The following C1S variants were observed in gnomAD, a reference collection of about 807,000 sequenced individuals.
The protein encoded by C1S is complement C1s, also known as complement C1s subcomponent.
In C1S, 31 loss-of-function variants were observed where a neutral mutation model predicts 54.0. The ratio of observed to expected loss-of-function variants is 0.57; its 90% CI spans 0.43 to 0.78. C1S has a LOEUF of 0.78. C1S is among the 30% of genes least tolerant of loss of function. C1S has a pLI of 0.00. For missense variants in C1S, 727 were observed against 851.8 expected, an observed-to-expected ratio of 0.85 and a Z score of 1.82; for synonymous variants, 292 against 303.6, an observed-to-expected ratio of 0.96 and a Z score of 0.40.
In C1S at chr12:7,065,433, GTAGCCT is replaced by G. The variant is rs1230894392; in HGVS notation, c.717+136_717+141del. 5.4e-6 allele frequency: 4 copies of G among 746,680 alleles called. No homozygotes were observed. In the African/African-American group the frequency reaches 6.8e-5, roughly 13 times the overall value. The allele number at this position is 746,680 out of a possible 1,614,324, so 46.3% of individuals were successfully genotyped here. ...TGCAGTGGTGCAATCACAGCTCACTGTAGCCTTGATCTCTTGGGCTCAAGCAAGCGT... is the reference window on the plus strand; with the variant it reads ...TGCAGTGGTGCAATCACAGCTCACTGTGATCTCTTGGGCTCAAGCAAGCGT... On this transcript the variant is annotated intron_variant, in intron 6 of 11. Coordinates refer to ENST00000360817, the MANE Select transcript of C1S (RefSeq NM_001734.5).
At chr12:7,064,579 G>A (rs1403657755) in intron 5 of C1S, among the ~76,000 whole-genome samples, 187 bp downstream of exon 5, 1 of 152,092 alleles carries the variant, frequency 6.6e-6, no homozygotes, top group African/African-American at 2.4e-5. Context: ...GGGTACTGGT[G>A]TTTTTGGTTA....
In C1S at chr12:7,064,250, C is replaced by G. The variant is rs1555161729; in HGVS notation, c.392-17C>G. 6.2e-7 allele frequency: 1 copy of G among 1,613,944 alleles called. No individual in the cohort carries two copies. The highest frequency in any genetic ancestry group is 1.3e-5 in the African/African-American group (1 of 75,036). ...TGGTGTTTGTTCTTGACCTCAGCCTCTTTCTACTCTTTGTAGACATAAATG... is the reference window on the plus strand; with the variant it reads ...TGGTGTTTGTTCTTGACCTCAGCCTGTTTCTACTCTTTGTAGACATAAATG... On this transcript the variant is annotated splice_polypyrimidine_tract_variant and intron_variant, in intron 4 of 11. Transcript: ENST00000360817.
rs1311761333 is a variant in C1S, at chr12:7,064,319, C to T, written c.444C>T (p.Asn148=). ...ATGTCCCTTGTAGCCACTTCTGCAA[C>T]AATTTCATTGGTGGTTACTTCTGCT... ...FVDVPCSHFC[N]NFIGGYFCSC... is the part of the protein sequence containing the mutation. Residue 148 remains asparagine, a synonymous_variant, in exon 5 of 12, where the codon AAC becomes AAT. Transcript: ENST00000360817. 3.7e-6 allele frequency: 6 copies of T among 1,613,940 alleles called. No individual in the cohort carries two copies. The highest frequency in any genetic ancestry group is 5.1e-6 in the Non-Finnish European group (6 of 1,179,846).
chr12:7,064,497 C>A, intron 5 of C1S, 105 bp downstream of exon 5: 1 of 1,038,664 alleles, frequency 9.6e-7, no homozygotes, highest in Non-Finnish European at 1.4e-6. Context: ...GCCAAGCCTT[C>A]ATTTGGCACT....
At chr12:7,068,709 C>A (rs1225698734) in intron 11 of C1S, 179 bp downstream of exon 11, 3 of 604,258 alleles carry the variant, frequency 5.0e-6, no homozygotes, top group Non-Finnish European at 8.9e-6. Context: ...CCTCCTCAGC[C>A]GCACTGAAGC....
At chr12:7,066,361 G>T (rs1937656239) in intron 7 of C1S, 157 bp from the exon 8 acceptor site, 2 of 696,402 alleles carry the variant, frequency 2.9e-6, no homozygotes, top group African/African-American at 1.8e-5. Flanking sequence ...AGTTGGTAAT[G>T]CCATATGATT....
Position 7,067,102 on chromosome 12 carries a change from A to G in C1S, c.1051A>G (p.Lys351Glu). The G allele has an allele frequency of 1.9e-6, 3 of 1,603,956 alleles. No homozygotes were observed. Among genetic ancestry groups the G allele is most frequent in the Non-Finnish European group, 2.6e-6 (3 of 1,170,736 alleles). ...AAGCAATGGAAAGTGGAGTAATTCC[A>G]AACTGAAATGTCAACGTATGTGTCT... Reference protein sequence around the residue: ...CQSNGKWSNSKLKCQPVDCGI... With the variant: ...CQSNGKWSNSELKCQPVDCGI... Residue 351 changes from lysine (K) to glutamate (E), a missense_variant, in exon 9 of 12, where the codon AAA becomes GAA. By Grantham distance (56) the Lys-to-Glu change is moderately conservative (BLOSUM62 1). Around this residue, in one of 3 missense-constraint regions of C1S, gnomAD observed 360 missense variants for 453.6 expected, o/e 0.79. Transcript: ENST00000360817.
In C1S at chr12:7,067,653, T is replaced by C; in HGVS notation, c.1077T>C (p.Cys359=). Residue 359 remains cysteine (C), a synonymous_variant, in exon 10 of 12, where the codon TGT becomes TGC. Coordinates refer to ENST00000360817, the MANE Select transcript of C1S (RefSeq NM_001734.5). Reference sequence around the variant, plus strand: ...TCCTTCGTCTGGTAGCTGTGGACTGTGGCATTCCTGAATCCATTGAGAATG... The same window carrying C: ...TCCTTCGTCTGGTAGCTGTGGACTGCGGCATTCCTGAATCCATTGAGAATG... ...NSKLKCQPVD[C]GIPESIENGK... 1 of 1,614,064 alleles carries C rather than the reference T, an allele frequency of 6.2e-7. No individual in the cohort carries two copies. The highest frequency in any genetic ancestry group is 8.5e-7 in the Non-Finnish European group (1 of 1,179,994).
At chr12:7,066,440 G>A (rs782771555) in intron 7 of C1S, 78 bp from the exon 8 acceptor site, 81 of 845,598 alleles carry the variant, frequency 9.6e-5, no homozygotes, top group Non-Finnish European at 1.6e-4. Flanking sequence ...TAGAAAGTGT[G>A]AGAATGATGT....
Position 7,064,307 on chromosome 12 carries a change from C to T in C1S, c.432C>T (p.Ser144=), listed in dbSNP as rs1283499705. ...ECTDFVDVPC[S]HFCNNFIGGY... ...CAGATTTTGTAGATGTCCCTTGTAG[C>T]CACTTCTGCAACAATTTCATTGGTG... The change falls in exon 5 of 12, where the codon AGC becomes AGT. Residue 144 remains serine (S), a synonymous_variant. Transcript: ENST00000360817. 6.2e-7 allele frequency: 1 copy of T among 1,613,770 alleles called. No homozygotes were observed. The highest frequency in any genetic ancestry group is 1.3e-5 in the African/African-American group (1 of 74,888).
At chr12:7,062,397 T>A (rs1947104709) in intron 2 of C1S, 78 bp from the exon 3 acceptor site, 1 of 1,050,380 alleles carries the variant, frequency 9.5e-7, no homozygotes, top group Non-Finnish European at 1.5e-6. Flanking sequence ...CCCTTTCTTC[T>A]GCCTCTGGCA....
In C1S at chr12:7,070,013, G is replaced by C; in HGVS notation, c.1429G>C (p.Val477Leu). The C allele has an allele frequency of 6.2e-7, 1 of 1,614,216 alleles. No homozygotes were observed. The highest frequency in any genetic ancestry group is 8.5e-7 in the Non-Finnish European group (1 of 1,180,040). ...CTGGGTGCTGACGGCTGCTCATGTT[G>C]TGGAGGGAAACAGGGAGCCAACAAT... is the stretch of plus-strand genomic sequence containing the variant. ...EYWVLTAAHV[V>L]EGNREPTMYV... The change falls in exon 12 of 12, where the codon GTG (valine) becomes CTG (leucine). Residue 477 changes from valine to leucine, a missense_variant. Transcript: ENST00000360817. The surrounding 1 kb of genome is among the most constrained non-coding windows in gnomAD (Gnocchi z 4.9).
chr12:7,064,194 T>C, intron 4 of C1S, 73 bp from the exon 5 acceptor site: 4 of 1,528,802 alleles, frequency 2.6e-6, no homozygotes, highest in Non-Finnish European at 2.7e-6. Context: ...CTTACCCTTA[T>C]GGTTTTGGAT....
chr12:7,068,844 A>T (rs1266580843), intron 11 of C1S: 2 of 385,932 alleles, frequency 5.2e-6, no homozygotes, highest in Non-Finnish European at 9.7e-6. Context: ...GTGAGTAATC[A>T]ACACTCAGAA....
In C1S at chr12:7,067,006, C is replaced by T. The variant is rs1555162360; in HGVS notation, c.988-33C>T. On this transcript the variant is annotated intron_variant, in intron 8 of 11. Transcript: ENST00000360817. The stretch of plus-strand genomic sequence containing the variant: ...GATTTTGGTTTCCCATATCTCTCTT[C>T]AGAAATAAGTGGTGATGTTTATTAT... 3.3e-6 allele frequency: 5 copies of T among 1,518,718 alleles called. No homozygotes were observed. The South Asian group carries it at 5.6e-5, about 17-fold the overall frequency. 94.1% of individuals were successfully genotyped at this position (1,518,718 alleles called of 1,614,324 possible). A position where few individuals can be genotyped will look rare whatever the true frequency, so the allele number is the denominator to read the frequency against.
Position 7,070,185 on chromosome 12 carries a change from G to A in C1S, c.1601G>A (p.Arg534Gln), listed in dbSNP as rs781938303. 5.0e-6 allele frequency: 8 copies of A among 1,614,130 alleles called. No individual in the cohort carries two copies. In the Admixed American group the frequency reaches 5.0e-5, roughly 10 times the overall value. The change falls in exon 12 of 12, where the codon CGG becomes CAG. Residue 534 changes from arginine (R) to glutamine (Q), a missense_variant. Transcript: ENST00000360817. This position sits in a 1 kb window ranked among gnomAD's most constrained non-coding sequence, Gnocchi z 4.9. ...TTTGATAATGACATTGCACTGGTGC[G>A]GCTGAAAGACCCAGTGAAAATGGGA... ...TNFDNDIALV[R>Q]LKDPVKMGPT...
Position 7,065,173 on chromosome 12 carries a change from A to C in C1S, c.591A>C (p.Pro197=). 6.2e-7 allele frequency: 1 copy of C among 1,614,106 alleles called. No homozygotes were observed. Among genetic ancestry groups the C allele is most frequent in the Non-Finnish European group, 8.5e-7 (1 of 1,179,942 alleles). The change falls in exon 6 of 12, where the codon CCA becomes CCC. Residue 197 remains proline, a synonymous_variant. Transcript: ENST00000360817. ...IASPNYPKPY[P]ENSRCEYQIR... Reference sequence around the variant, plus strand: ...GTCCCAATTATCCCAAACCATATCCAGAGAACTCAAGGTGTGAATACCAGA... The same window carrying C: ...GTCCCAATTATCCCAAACCATATCCCGAGAACTCAAGGTGTGAATACCAGA...
chr12:7,069,912 A>G lies in C1S; in HGVS notation c.1328A>G (p.Asp443Gly), dbSNP rs782479865. Residue 443 changes from aspartate (D) to glycine (G), a missense_variant, in exon 12 of 12, where the codon GAT (aspartate) becomes GGT (glycine). This residue lies in a region of C1S where 360 missense variants were observed against 453.6 expected (regional missense o/e 0.79). Transcript: ENST00000360817. ...AAACAGAGGATAATTGGAGGATCCG[A>G]TGCAGATATTAAAAACTTCCCCTGG... ...EEKQRIIGGS[D>G]ADIKNFPWQV... 3 of 1,614,020 alleles carry G rather than the reference A, an allele frequency of 1.9e-6. No individual in the cohort carries two copies. Among genetic ancestry groups the G allele is most frequent in the African/African-American group, 2.7e-5 (2 of 74,902 alleles).
chr12:7,066,085 G>T, intron 7 of C1S, 115 bp downstream of exon 7: 6 of 933,552 alleles, frequency 6.4e-6, no homozygotes, highest in Non-Finnish European at 8.7e-6. Flanking sequence ...CTCAGCTACC[G>T]AGGGAGGCTG....
Sources: gnomAD v4.1 joint callset for allele counts (sites outside exome capture counted in the v4.1 genomes callset) on GRCh38, gnomAD v4.1.1 for gene constraint, gnomAD v4.1.1 regional missense constraint, Gnocchi (gnomAD v3.1) non-coding constraint, MANE v1.5 for transcripts, NCBI Gene and HGNC (gene_info 2026-07-23, HGNC 2026-07-21) for gene names.